The following HMGCL variants were observed in gnomAD, a reference collection of about 807,000 sequenced individuals.
The protein encoded by HMGCL is 3-hydroxy-3-methylglutaryl-CoA lyase.
HMGCL carries 26 observed loss-of-function variants against 37.3 expected under a neutral mutation model. The ratio of observed to expected loss-of-function variants is 0.70; its 90% CI spans 0.51 to 0.97. The LOEUF (loss-of-function observed/expected upper bound fraction) is 0.97. HMGCL is among the 50% of genes least tolerant of loss of function. The probability of loss-of-function intolerance (pLI) is 0.00; values close to 1 mark genes in which losing one functional copy is unlikely to be tolerated. For missense variants in HMGCL, 379 were observed against 398.1 expected (o/e 0.95, Z 0.41); for synonymous variants, 151 against 148.0 (o/e 1.02, Z -0.15).
chr1:23,817,723 G>A (rs1638637543), intron 2 of HMGCL, 140 bp from the exon 3 acceptor site: 1 of 697,642 alleles, frequency 1.4e-6, no homozygotes, highest in African/African-American at 1.8e-5. Context: ...TATTTACATA[G>A]AAACATTATT....
rs1489032619 is a variant in HMGCL, at chr1:23,806,758, A to G, written c.750+1377T>C. On this transcript the variant is annotated intron_variant, in intron 7 of 8. Transcript: ENST00000374490. The surrounding 1 kb of genome is among the most constrained non-coding windows in gnomAD (Gnocchi z 4.0). ...GAGACTCTGTTTTGGTCACAGCTGA[A>G]TCCTTAATGCTGAGAACAGTGCCTA... 2.8e-6 allele frequency: 1 copy of G among 357,386 alleles called. No individual in the cohort carries two copies. The highest frequency in any genetic ancestry group is 5.5e-6 in the Non-Finnish European group (1 of 181,788). 22.1% of individuals were successfully genotyped at this position (357,386 alleles called of 1,614,324 possible). A position where few individuals can be genotyped will look rare whatever the true frequency, so the allele number is the denominator to read the frequency against.
chr1:23,803,326 C>T (rs1483362301), intron 8 of HMGCL, among the ~76,000 whole-genome samples: 1 of 152,182 alleles, frequency 6.6e-6, no homozygotes, highest in African/African-American at 2.4e-5. Context: ...CTCAGTCTCC[C>T]GAGTAGCTGG....
Position 23,808,208 on chromosome 1 carries a change from G to A in HMGCL, c.677C>T (p.Pro226Leu). ...GCAGTGGACAGCCAGGGCAGCCAGA[G>A]GCACTTCCTGCATGACAGCAGATAG... ...DMLSAVMQEV[P>L]LAALAVHCHD... is the part of the protein sequence containing the mutation. Residue 226 changes from proline to leucine, a missense_variant, in exon 7 of 9, where the codon CCT becomes CTT. By Grantham distance (98) the Pro-to-Leu change is moderately conservative. Coordinates refer to ENST00000374490, the MANE Select transcript of HMGCL (RefSeq NM_000191.3). 1 of 1,614,060 alleles carries A rather than the reference G, an allele frequency of 6.2e-7. No homozygotes were observed. Among genetic ancestry groups the A allele is most frequent in the South Asian group, 1.1e-5 (1 of 91,074 alleles).
At chr1:23,808,733 A>AT (rs1323121168) in intron 6 of HMGCL, among the ~76,000 whole-genome samples, 1 of 128,988 alleles carries the variant, frequency 7.8e-6, no homozygotes, top group South Asian at 2.4e-4. Context: ...TGCTAGTTAT[A>AT]TTTTTTTTCT....
chr1:23,813,237 T>TG (rs1178014750), intron 5 of HMGCL, among the ~76,000 whole-genome samples: 1 of 145,228 alleles, frequency 6.9e-6, no homozygotes, highest in Admixed American at 6.9e-5. Context: ...GTTTTTTTTT[T>TG]TTTTTTTTTT....
In HMGCL at chr1:23,806,858, A is replaced by C; in HGVS notation, c.750+1277T>G. The stretch of plus-strand genomic sequence containing the variant: ...TACAATGTGCTATTTACACGCCTGT[A>C]ATCTTCCATCTGTCTTCCCCACCCA... On this transcript the variant is annotated intron_variant, in intron 7 of 8. Coordinates refer to ENST00000374490, the MANE Select transcript of HMGCL (RefSeq NM_000191.3). This position sits in a 1 kb window ranked among gnomAD's most constrained non-coding sequence, Gnocchi z 4.0. The C allele has an allele frequency of 2.2e-6, 1 of 449,864 alleles. No individual in the cohort carries two copies. Among genetic ancestry groups the C allele is most frequent in the South Asian group, 1.6e-5 (1 of 62,898 alleles). The allele number at this position is 449,864 out of a possible 1,614,324, so 27.9% of individuals were successfully genotyped here. A position where few individuals can be genotyped will look rare whatever the true frequency, so the allele number is the denominator to read the frequency against.
In HMGCL at chr1:23,801,965, G is replaced by C; in HGVS notation, c.*498C>G. 1 of 423,218 alleles carries C rather than the reference G, an allele frequency of 2.4e-6. No homozygotes were observed. The highest frequency in any genetic ancestry group is 4.2e-6 in the Non-Finnish European group (1 of 238,964). 26.2% of individuals were successfully genotyped at this position (423,218 alleles called of 1,614,324 possible). A position where few individuals can be genotyped will look rare whatever the true frequency, so the allele number is the denominator to read the frequency against. ...AGCGTGGAGATTTTCCAGAGATGCTGGAGTTGGCAGACGGCCACCACGTAG... is the reference window on the plus strand; with the variant it reads ...AGCGTGGAGATTTTCCAGAGATGCTCGAGTTGGCAGACGGCCACCACGTAG... On this transcript the variant is annotated 3_prime_UTR_variant, in exon 9 of 9. Coordinates refer to ENST00000374490, the MANE Select transcript of HMGCL (RefSeq NM_000191.3).
chr1:23,808,737 TTTTTC>T (rs1570645802), intron 6 of HMGCL, among the ~76,000 whole-genome samples: 1 of 111,718 alleles, frequency 9.0e-6, no homozygotes, highest in Non-Finnish European at 1.7e-5. Flanking sequence ...AGTTATATTT[TTTTTC>T]TTTTTTTTTT....
intron 5 of HMGCL, among the ~76,000 whole-genome samples, chr1:23,812,687 CAGAA>C (rs1353005808): frequency 2.0e-5 from 3 of 152,084 alleles, no homozygotes; most frequent in Non-Finnish European, 4.4e-5. Context: ...ATGTGACAAA[CAGAA>C]AGAAGTTCCA....
At chr1:23,804,948 A>G (rs1638377138) in intron 7 of HMGCL, among the ~76,000 whole-genome samples, 1 of 137,224 alleles carries the variant, frequency 7.3e-6, no homozygotes, top group Admixed American at 8.0e-5. Context: ...CACGAGGGCC[A>G]CATCCCATCT....
chr1:23,816,714 G>A lies in HMGCL; in HGVS notation c.309C>T (p.Tyr103=), dbSNP rs1197179355. 1.2e-6 allele frequency: 2 copies of A among 1,613,582 alleles called. No individual in the cohort carries two copies. Among genetic ancestry groups the A allele is most frequent in the Admixed American group, 1.7e-5 (1 of 60,012 alleles). ...KGIQKFPGIN[Y]PVLTPNLKGF... The stretch of plus-strand genomic sequence containing the variant: ...CTTTCAAATTTGGGGTCAGGACTGG[G>A]TAGTTGATGCCAGGAAACTTCTGAA... The change falls in exon 4 of 9, where the codon TAC becomes TAT. Residue 103 remains tyrosine (Y), a synonymous_variant. Transcript: ENST00000374490.
intron 4 of HMGCL, 65 bp from the exon 5 acceptor site, chr1:23,814,403 C>T: frequency 1.3e-6 from 2 of 1,583,828 alleles, no homozygotes; most frequent in Non-Finnish European, 8.6e-7. Flanking sequence ...TGGAGTCTTG[C>T]TTTGTTGCCC....
chr1:23,806,249 A>G lies in HMGCL; in HGVS notation c.751-1724T>C, dbSNP rs116781032. 0.019 allele frequency among the ~76,000 whole-genome samples: 2,894 copies of G among 152,160 alleles called. 92 individuals carry two copies. Among genetic ancestry groups the G allele is most frequent in the African/African-American group, 0.065 (2,704 of 41,504 alleles). ...ATTACAGGTGTGAGCCACTGTGCCCAGCCGAGGAGCCTCTCAAACGGAACA... is the reference window on the plus strand; with the variant it reads ...ATTACAGGTGTGAGCCACTGTGCCCGGCCGAGGAGCCTCTCAAACGGAACA... On this transcript the variant is annotated intron_variant, in intron 7 of 8. Transcript: ENST00000374490. This position sits in a 1 kb window ranked among gnomAD's most constrained non-coding sequence, Gnocchi z 4.0.
At chr1:23,816,566 G>T in intron 4 of HMGCL, 109 bp downstream of exon 4, 1 of 795,316 alleles carries the variant, frequency 1.3e-6, no homozygotes, top group Non-Finnish European at 2.3e-6. Flanking sequence ...TGACAGACAA[G>T]CTATTCAGAT....
chr1:23,816,065 A>G (rs1045831473), intron 4 of HMGCL, among the ~76,000 whole-genome samples: 1 of 149,460 alleles, frequency 6.7e-6, no homozygotes, highest in Non-Finnish European at 1.5e-5. Flanking sequence ...CTACAGGTGC[A>G]TGCCATCACA....
chr1:23,804,154 A>G (rs991112432), intron 8 of HMGCL: 3 of 578,688 alleles, frequency 5.2e-6, no homozygotes, highest in Non-Finnish European at 9.4e-6. Flanking sequence ...TGTTTCACCC[A>G]GGCTGGAGTA....
In HMGCL at chr1:23,815,451, T is replaced by G. The variant is rs368729133; in HGVS notation, c.349-1113A>C. ...CCTCCAGACTGTGAGAGAATAAATT[T>G]CTGTTGTTTTTAAGCCACCCAATTT... On this transcript the variant is annotated intron_variant, in intron 4 of 8. Coordinates refer to ENST00000374490, the MANE Select transcript of HMGCL (RefSeq NM_000191.3). Among the ~76,000 whole-genome samples the G allele has an allele frequency of 1.1e-4, 16 of 152,106 alleles. No homozygotes were observed. The East Asian group carries it at 3.1e-3, about 30-fold the overall frequency.
chr1:23,819,284 C>G (rs1440004474), intron 2 of HMGCL, among the ~76,000 whole-genome samples: 1 of 152,162 alleles, frequency 6.6e-6, no homozygotes, highest in Non-Finnish European at 1.5e-5. Context: ...ATCTCAAGTT[C>G]TCAAGGGCCA....
rs1638363933 is a variant in HMGCL at position 23,804,461 on chromosome 1, G to T, written c.815C>A (p.Ala272Glu). The T allele has an allele frequency of 1.2e-6, 2 of 1,613,930 alleles. No individual in the cohort carries two copies. The highest frequency in any genetic ancestry group is 1.7e-5 in the Admixed American group (1 of 59,998). ...GLGGCPYAQG[A>E]SGNLATEDLV... is the part of the protein sequence containing the mutation. ...GTCTTCTGTGGCCAAGTTTCCTGAT[G>T]CCCCCTGTGCGTAGGGACAGCCTCC... Residue 272 changes from alanine to glutamate, a missense_variant, in exon 8 of 9, where the codon GCA (alanine) becomes GAA (glutamate). Coordinates refer to ENST00000374490, the MANE Select transcript of HMGCL (RefSeq NM_000191.3).
Sources: allele counts gnomAD v4.1 joint callset (sites outside exome capture counted in the v4.1 genomes callset), GRCh38; gene constraint gnomAD v4.1.1; non-coding constraint Gnocchi (gnomAD v3.1); transcripts MANE v1.5; gene names NCBI Gene and HGNC (gene_info 2026-07-23, HGNC 2026-07-21).